The following AMMECR1 variants were observed in gnomAD, a reference collection of about 807,000 sequenced individuals.
AMMECR1 encodes the protein nuclear protein AMMECR1.
Under a neutral mutation model 22.5 loss-of-function variants are expected in AMMECR1, and 3 were observed. That is an observed-to-expected ratio of 0.13 (90% CI 0.06 to 0.35). The LOEUF (loss-of-function observed/expected upper bound fraction) is 0.35. Ranked by LOEUF, AMMECR1 falls within the 10% of genes least tolerant of loss-of-function variation. The pLI, the probability that AMMECR1 is intolerant of heterozygous loss-of-function variation, is 1.00. For synonymous variants in AMMECR1, 130 were observed against 116.7 expected (o/e 1.11, Z -0.74); for missense variants, 235 against 278.7 (o/e 0.84, Z 1.12).
At chrX:110,264,650 G>T in intron 1 of AMMECR1, 51 bp from the exon 2 acceptor site, 2 of 981,840 alleles carry the variant, frequency 2.0e-6, no homozygotes, top group Non-Finnish European at 2.9e-6. Context: ...ATTCAAGCAA[G>T]TATTTATTGA....
chrX:110,353,206 G>A (rs2068217510), intron 2 of AMMECR1, among the ~76,000 whole-genome samples: 1 of 110,302 alleles, frequency 9.1e-6, no homozygotes, highest in Non-Finnish European at 1.9e-5. Context: ...TCTTCTCTCT[G>A]TTTTTCTTTG....
At chrX:110,291,425 C>T (rs1157103429) in intron 1 of AMMECR1, among the ~76,000 whole-genome samples, 1 of 110,973 alleles carries the variant, frequency 9.0e-6, no homozygotes, top group Non-Finnish European at 1.9e-5. Context: ...ACTCAGGAGG[C>T]TGAGGCAGGA....
intron 2 of AMMECR1, among the ~76,000 whole-genome samples, chrX:110,237,062 T>G (rs188586963): frequency 6.3e-5 from 7 of 111,570 alleles, no homozygotes; most frequent in African/African-American, 2.0e-4. Context: ...CTCCATTGCT[T>G]CTTATATGGG....
At chrX:110,312,459 G>T (rs2068027853) in intron 1 of AMMECR1, among the ~76,000 whole-genome samples, 1 of 111,765 alleles carries the variant, frequency 8.9e-6, no homozygotes. Context: ...TTCCTACTTG[G>T]CTGCCACCCG....
intron 2 of AMMECR1, among the ~76,000 whole-genome samples, chrX:110,401,767 T>C (rs995931303): frequency 6.2e-5 from 7 of 112,281 alleles, no homozygotes; most frequent in African/African-American, 2.3e-4. Context: ...TCAGTGAGCC[T>C]TCGTTTCCTC....
intron 2 of AMMECR1, among the ~76,000 whole-genome samples, chrX:110,223,984 ATCATAACAG>A (rs1395768542): frequency 6.3e-5 from 7 of 111,720 alleles, no homozygotes; most frequent in Non-Finnish European, 1.1e-4. Context: ...TGAAATGGAG[ATCATAACAG>A]TACCCACCTA....
rs772510372 is a variant in AMMECR1 at position 110,365,388 on chromosome X, C to T, written c.-147-47539G>A. ...AGAATAAACTCCAAATGTTCATTTACAATTCCAGCCAATAATCACTTACCT... is the reference window on the plus strand; with the variant it reads ...AGAATAAACTCCAAATGTTCATTTATAATTCCAGCCAATAATCACTTACCT... On this transcript the variant is annotated intron_variant, in intron 2 of 7. Coordinates refer to the AMMECR1 transcript ENST00000372057. 4.4e-5 allele frequency among the ~76,000 whole-genome samples: 5 copies of T among 112,407 alleles called. 1 individual carries two copies. The highest frequency in any genetic ancestry group is 9.1e-3 in the Middle Eastern group (2 of 219).
At position 110,429,472 on chromosome X, in the gene AMMECR1, T is replaced by G. The variant is rs5942924; in HGVS notation, c.-293-2669A>C. ...AGAGAAAAAGTGTTTTTTTTTTTTT[T>G]TGTTTTGTTTTTTTGGTTTTTTTGT... On this transcript the variant is annotated intron_variant, in intron 1 of 7. Coordinates refer to the AMMECR1 transcript ENST00000372057. Among the ~76,000 whole-genome samples, 1,218 of 76,526 alleles carry G rather than the reference T, an allele frequency of 0.016. 34 individuals carry two copies. In the African/African-American group the frequency reaches 0.17, roughly 10 times the overall value. The allele number at this position is 76,526 out of a possible 115,157, so 66.5% of individuals were successfully genotyped here.
chrX:110,354,068 A>G (rs916858209), intron 2 of AMMECR1, among the ~76,000 whole-genome samples: 3 of 112,435 alleles, frequency 2.7e-5, no homozygotes, highest in African/African-American at 9.7e-5. Context: ...TGGAATAATT[A>G]GTACTATTAA....
intron 2 of AMMECR1, among the ~76,000 whole-genome samples, chrX:110,347,764 T>C (rs2068196444): frequency 8.9e-6 from 1 of 112,461 alleles, no homozygotes; most frequent in Non-Finnish European, 1.9e-5. Context: ...GGCCCTGTAC[T>C]TTCTAATTGC....
At chrX:110,346,724 C>A in intron 2 of AMMECR1, 3 of 823,780 alleles carry the variant, frequency 3.6e-6, no homozygotes, top group South Asian at 4.1e-5. Flanking sequence ...AACAGACTTT[C>A]TGGGGTCTGA....
chrX:110,284,593 G>A (rs1364475727), intron 1 of AMMECR1, among the ~76,000 whole-genome samples: 6 of 112,175 alleles, frequency 5.3e-5, no homozygotes, highest in South Asian at 3.8e-4. Context: ...AGGTTCACAG[G>A]CACAATTCCT....
rs959489881 is a variant in AMMECR1, at chrX:110,266,442, G to C, written c.474-1843C>G. Among the ~76,000 whole-genome samples the C allele has an allele frequency of 3.3e-4, 37 of 111,253 alleles. 2 individuals carry two copies. The highest frequency in any genetic ancestry group is 1.9e-5 in the Non-Finnish European group (1 of 53,038). The stretch of plus-strand genomic sequence containing the variant: ...CTCTGTTGCCAGGCTGAGTGCAGTG[G>C]TGCGATCTCAGCTCACTGCGACCTC... On this transcript the variant is annotated intron_variant, in intron 1 of 5. Coordinates refer to ENST00000262844, the MANE Select transcript of AMMECR1 (RefSeq NM_015365.3).
chrX:110,434,516 G>A (rs986329569), intron 1 of AMMECR1, among the ~76,000 whole-genome samples: 4 of 111,569 alleles, frequency 3.6e-5, no homozygotes, highest in African/African-American at 9.8e-5. Flanking sequence ...TCAACAGGTA[G>A]AAACCTCAGG....
At chrX:110,297,234 A>C (rs2067941551) in intron 1 of AMMECR1, among the ~76,000 whole-genome samples, 2 of 112,226 alleles carry the variant, frequency 1.8e-5, no homozygotes, top group Admixed American at 9.5e-5. Flanking sequence ...ATTCTGCCTT[A>C]GCCTTCACTT....
At chrX:110,430,404 G>A (rs1201047398) in intron 1 of AMMECR1, among the ~76,000 whole-genome samples, 1 of 112,445 alleles carries the variant, frequency 8.9e-6, no homozygotes, top group Non-Finnish European at 1.9e-5. Context: ...ATGCTGTGAG[G>A]TAGGTTACTA....
intron 1 of AMMECR1, among the ~76,000 whole-genome samples, chrX:110,275,688 G>A (rs2067822455): frequency 9.1e-6 from 1 of 110,418 alleles, no homozygotes; most frequent in Non-Finnish European, 1.9e-5. Flanking sequence ...AAATTAGCTG[G>A]GTGTGGTGAC....
At chrX:110,416,719 C>T (rs1264086467) in intron 2 of AMMECR1, among the ~76,000 whole-genome samples, 2 of 112,156 alleles carry the variant, frequency 1.8e-5, no homozygotes, top group African/African-American at 6.5e-5. Context: ...TAAAGCCATA[C>T]GCTCTGCTTC....
chrX:110,403,234 C>T (rs1009079749), intron 2 of AMMECR1, among the ~76,000 whole-genome samples: 7 of 112,257 alleles, frequency 6.2e-5, no homozygotes, highest in African/African-American at 2.3e-4. Flanking sequence ...GCAAACCTCA[C>T]AGAGGATGCT....
Sources: gnomAD v4.1 joint callset for allele counts (sites outside exome capture counted in the v4.1 genomes callset) on GRCh38, gnomAD v4.1.1 for gene constraint, MANE v1.5 for transcripts, NCBI Gene and HGNC (gene_info 2026-07-23, HGNC 2026-07-21) for gene names.